TASOR: variants seen among roughly 807,000 people sequenced by gnomAD.
The protein encoded by TASOR is transcription activation suppressor.
TASOR carries 53 observed loss-of-function variants against 178.6 expected under a neutral mutation model. The observed-to-expected ratio is 0.30, with a 90% CI of 0.24 to 0.37. The LOEUF (loss-of-function observed/expected upper bound fraction) is 0.37, where lower values mean the gene tolerates loss of function less well. TASOR is among the 10% of genes least tolerant of loss of function. The pLI, the probability that TASOR is intolerant of heterozygous loss-of-function variation, is 1.00. For synonymous variants in TASOR, 713 were observed against 696.2 expected (o/e 1.02, Z -0.38); for missense variants, 1,815 against 1,971.4 (o/e 0.92, Z 1.50).
At chr3:56,650,309 G>A (rs572789750) in intron 11 of TASOR, among the ~76,000 whole-genome samples, 1 of 152,282 alleles carries the variant, frequency 6.6e-6, no homozygotes, top group Non-Finnish European at 1.5e-5. Flanking sequence ...TAAAAACATT[G>A]TTTGCACACT....
At chr3:56,679,698 G>A (rs925665473) in intron 1 of TASOR, among the ~76,000 whole-genome samples, 24 of 152,030 alleles carry the variant, frequency 1.6e-4, no homozygotes, top group African/African-American at 5.1e-4. Flanking sequence ...GTGAATCATC[G>A]CTACTCCATT....
At chr3:56,632,058 A>G (rs576208885) in intron 18 of TASOR, among the ~76,000 whole-genome samples, 33 of 152,188 alleles carry the variant, frequency 2.2e-4, no homozygotes, top group Non-Finnish European at 4.0e-4. Flanking sequence ...AGAAACACCA[A>G]AAGTTTATCA....
Position 56,683,093 on chromosome 3 carries a change from G to A in TASOR, c.-87C>T. On this transcript the variant is annotated 5_prime_UTR_variant, in exon 1 of 24. Coordinates refer to ENST00000683822, the MANE Select transcript of TASOR (RefSeq NM_001365635.2). ...GGGGCGGCGGGCCAGTCTCGCCGCC[G>A]AGCTGCTCTCAGCCCACCCACCCCC... The A allele has an allele frequency of 3.6e-6, 5 of 1,380,662 alleles. No homozygotes were observed. The highest frequency in any genetic ancestry group is 3.8e-6 in the Non-Finnish European group (4 of 1,044,636). The allele number at this position is 1,380,662 out of a possible 1,614,324, so 85.5% of individuals were successfully genotyped here.
In TASOR at chr3:56,646,792, T is replaced by C. The variant is rs751002244; in HGVS notation, c.1945A>G (p.Lys649Glu). Residue 649 changes from lysine to glutamate, a missense_variant, in exon 14 of 24, where the codon AAA becomes GAA. Transcript: ENST00000683822. ...TTATTTCGTTTTCCAAATTTCATTT[T>C]TGTACCATTCATTTCTTCTTCTTGA... ...EGQEEEMNGT[K>E]MKFGKRNNSR... 3 of 1,613,864 alleles carry C rather than the reference T, an allele frequency of 1.9e-6. No individual in the cohort carries two copies. The highest frequency in any genetic ancestry group is 1.7e-4 in the Middle Eastern group (1 of 6,060).
intron 8 of TASOR, 45 bp downstream of exon 8, chr3:56,663,496 C>G: frequency 1.0e-6 from 1 of 977,890 alleles, no homozygotes; most frequent in South Asian, 1.7e-5. Flanking sequence ...GCTATATGTA[C>G]TTATTCTTTC....
chr3:56,624,390 C>T, intron 23 of TASOR, 89 bp downstream of exon 23: 1 of 1,409,862 alleles, frequency 7.1e-7, no homozygotes, highest in Non-Finnish European at 9.7e-7. Context: ...TACGTGGTTT[C>T]AAAATGGTCA....
At position 56,661,027 on chromosome 3, in the gene TASOR, A is replaced by T; in HGVS notation, c.1161-10T>A. 2.5e-6 allele frequency: 4 copies of T among 1,572,448 alleles called. No homozygotes were observed. The highest frequency in any genetic ancestry group is 3.5e-6 in the Non-Finnish European group (4 of 1,151,484). ...ATCTAATTTCTCAGGTCTGAAAGAA[A>T]ATTTTAAAAACATGTTTGCCTTATC... is the stretch of plus-strand genomic sequence containing the variant. On this transcript the variant is annotated splice_polypyrimidine_tract_variant and intron_variant, in intron 9 of 23. Coordinates refer to ENST00000683822, the MANE Select transcript of TASOR (RefSeq NM_001365635.2).
chr3:56,620,781 A>G lies in TASOR; in HGVS notation c.*2256T>C, dbSNP rs968478892. The G allele has an allele frequency of 1.3e-5, 2 of 152,232 alleles. No homozygotes were observed. The highest frequency in any genetic ancestry group is 6.5e-5 in the Admixed American group (1 of 15,268). The allele number at this position is 152,232 out of a possible 1,614,324, so 9.4% of individuals were successfully genotyped here. ...AGGAATAGGATGTACACATTTACCC[A>G]TCAATATAGCACCCAGTGTTATTTC... is the stretch of plus-strand genomic sequence containing the variant. On this transcript the variant is annotated 3_prime_UTR_variant, in exon 24 of 24. Coordinates refer to ENST00000683822, the MANE Select transcript of TASOR (RefSeq NM_001365635.2).
At chr3:56,625,188 A>G (rs1168326025) in intron 21 of TASOR, among the ~76,000 whole-genome samples, 182 bp from the exon 22 acceptor site, 6 of 152,262 alleles carry the variant, frequency 3.9e-5, no homozygotes, top group African/African-American at 1.2e-4. Flanking sequence ...GGATAAGTCC[A>G]GGGGTTTCTT....
At chr3:56,667,116 A>G (rs780618125) in intron 6 of TASOR, among the ~76,000 whole-genome samples, 13 of 152,230 alleles carry the variant, frequency 8.5e-5, no homozygotes, top group Non-Finnish European at 1.6e-4. Flanking sequence ...AGAAAAGCCA[A>G]TAACTATCTT....
chr3:56,667,449 T>C (rs1265647068), intron 6 of TASOR, among the ~76,000 whole-genome samples: 1 of 151,964 alleles, frequency 6.6e-6, no homozygotes, highest in African/African-American at 2.4e-5. Context: ...GGTCAGGAGT[T>C]TGAGACCAGC....
intron 17 of TASOR, 33 bp downstream of exon 17, chr3:56,638,673 C>T: frequency 1.9e-6 from 3 of 1,612,000 alleles, no homozygotes; most frequent in Non-Finnish European, 1.7e-6. Flanking sequence ...AAGAAGGGCA[C>T]ACTGGGAAGA....
chr3:56,654,014 C>G (rs2077415871), intron 11 of TASOR, among the ~76,000 whole-genome samples: 1 of 152,148 alleles, frequency 6.6e-6, no homozygotes, highest in Non-Finnish European at 1.5e-5. Flanking sequence ...CCCTGGTAAT[C>G]CCAGCACTAC....
At chr3:56,646,442 T>G (rs1405996680) in intron 14 of TASOR, 80 bp downstream of exon 14, 1 of 1,215,616 alleles carries the variant, frequency 8.2e-7, no homozygotes, top group African/African-American at 1.5e-5. Flanking sequence ...CCTCAGGCTT[T>G]AATTTATACG....
At position 56,620,919 on chromosome 3, in the gene TASOR, G is replaced by GAGGC. The variant is rs549571681; in HGVS notation, c.*2114_*2117dup. 809 of 152,766 alleles carry GAGGC rather than the reference G, an allele frequency of 5.3e-3. 11 individuals are homozygous for GAGGC. The highest frequency in any genetic ancestry group is 0.019 in the African/African-American group (779 of 41,554). The allele number at this position is 152,766 out of a possible 1,614,324, so 9.5% of individuals were successfully genotyped here. A position where few individuals can be genotyped will look rare whatever the true frequency, so the allele number is the denominator to read the frequency against. Reference sequence around the variant, plus strand: ...TGTAATCCCAGCACTTTGGGAGGCTGAGGCAGGCAGATCATGAGGTCAGGA... The same window carrying GAGGC: ...TGTAATCCCAGCACTTTGGGAGGCTGAGGCAGGCAGGCAGATCATGAGGTCAGGA... On this transcript the variant is annotated 3_prime_UTR_variant, in exon 24 of 24. Transcript: ENST00000683822.
At chr3:56,672,423 T>C (rs1239575224) in intron 2 of TASOR, among the ~76,000 whole-genome samples, 2 of 152,192 alleles carry the variant, frequency 1.3e-5, no homozygotes, top group African/African-American at 4.8e-5. Flanking sequence ...TTAGGGAACC[T>C]TTCAAAATTA....
intron 9 of TASOR, 38 bp downstream of exon 9, chr3:56,662,347 A>G: frequency 9.1e-7 from 1 of 1,104,438 alleles, no homozygotes; most frequent in South Asian, 1.4e-5. Context: ...GAAAGTGATA[A>G]AATTAGCAAC....
intron 17 of TASOR, among the ~76,000 whole-genome samples, chr3:56,635,943 C>G (rs771496734): frequency 6.6e-6 from 1 of 152,090 alleles, no homozygotes; most frequent in Non-Finnish European, 1.5e-5. Context: ...CAAATAGATC[C>G]CTTTATAAAA....
chr3:56,683,117 C>G lies in TASOR; in HGVS notation c.-111G>C, dbSNP rs548223171. On this transcript the variant is annotated 5_prime_UTR_variant, in exon 1 of 24. Coordinates refer to ENST00000683822, the MANE Select transcript of TASOR (RefSeq NM_001365635.2). Reference sequence around the variant, plus strand: ...CGAGCTGCTCTCAGCCCACCCACCCCCTTCCCCCCGTGGCCTCAGGCTGCG... The same window carrying G: ...CGAGCTGCTCTCAGCCCACCCACCCGCTTCCCCCCGTGGCCTCAGGCTGCG... 2.2e-5 allele frequency: 28 copies of G among 1,267,504 alleles called. No individual in the cohort carries two copies. The East Asian group carries it at 5.7e-4, about 26-fold the overall frequency. 78.5% of individuals were successfully genotyped at this position (1,267,504 alleles called of 1,614,324 possible).
Sources: allele counts gnomAD v4.1 joint callset (sites outside exome capture counted in the v4.1 genomes callset), GRCh38; gene constraint gnomAD v4.1.1; transcripts MANE v1.5; gene names NCBI Gene and HGNC (gene_info 2026-07-23, HGNC 2026-07-21).